VAV3: variants seen among roughly 807,000 people sequenced by gnomAD.
The protein encoded by VAV3 is vav guanine nucleotide exchange factor 3, also known as guanine nucleotide exchange factor VAV3.
VAV3 carries 94 observed loss-of-function variants against 131.2 expected under a neutral mutation model. The ratio of observed to expected loss-of-function variants is 0.72; its 90% CI spans 0.61 to 0.85. The LOEUF (loss-of-function observed/expected upper bound fraction) is 0.85. VAV3 is among the 40% of genes least tolerant of loss of function. VAV3 has a pLI of 0.00. For synonymous variants in VAV3, 349 were observed against 342.0 expected, an observed-to-expected ratio of 1.02 and a Z score of -0.22; for missense variants, 939 against 1,002.7, an observed-to-expected ratio of 0.94 and a Z score of 0.86.
chr1:107,874,773 A>C (rs1670411186), intron 2 of VAV3, 128 bp downstream of exon 2: 1 of 744,136 alleles, frequency 1.3e-6, no homozygotes, highest in East Asian at 2.7e-5. Context: ...AGCCATCTAC[A>C]TGTGAAATTT....
chr1:107,830,046 A>G (rs1337794960), intron 2 of VAV3, among the ~76,000 whole-genome samples: 2 of 152,182 alleles, frequency 1.3e-5, no homozygotes, highest in Non-Finnish European at 2.9e-5. Context: ...AAAGATTTAG[A>G]TTCCCCTTTG....
At chr1:107,623,032 T>C (rs1653724223) in intron 20 of VAV3, among the ~76,000 whole-genome samples, 1 of 152,184 alleles carries the variant, frequency 6.6e-6, no homozygotes, top group African/African-American at 2.4e-5. Flanking sequence ...AGTCAGAAAC[T>C]AGCCTTTGGT....
intron 1 of VAV3, among the ~76,000 whole-genome samples, chr1:107,883,648 A>G (rs1389135163): frequency 6.6e-6 from 1 of 152,174 alleles, no homozygotes; most frequent in Non-Finnish European, 1.5e-5. Flanking sequence ...AGGCAATTAC[A>G]TTCTTAAGCA....
intron 1 of VAV3, among the ~76,000 whole-genome samples, chr1:107,952,173 G>A (rs992125507): frequency 5.9e-5 from 9 of 151,976 alleles, no homozygotes; most frequent in East Asian, 1.9e-4. Flanking sequence ...CATGGATAGC[G>A]CTGGAGGCCA....
intron 2 of VAV3, among the ~76,000 whole-genome samples, chr1:107,854,663 T>C (rs1669385571): frequency 6.6e-6 from 1 of 152,178 alleles, no homozygotes; most frequent in South Asian, 2.1e-4. Flanking sequence ...CTCTGCAATT[T>C]TCCTGCTCGA....
chr1:107,679,584 G>T (rs1658458908), intron 19 of VAV3, among the ~76,000 whole-genome samples: 1 of 152,064 alleles, frequency 6.6e-6, no homozygotes, highest in Non-Finnish European at 1.5e-5. Context: ...CCAGTGAAAA[G>T]AATACATGCC....
chr1:107,754,063 T>C (rs866034472), intron 12 of VAV3, among the ~76,000 whole-genome samples: 10 of 152,188 alleles, frequency 6.6e-5, no homozygotes, highest in Non-Finnish European at 1.5e-4. Flanking sequence ...TAGAAACGTA[T>C]GTCAAATTGG....
At position 107,617,636 on chromosome 1, in the gene VAV3, A is replaced by AG; in HGVS notation, c.1915-5dup. The AG allele has an allele frequency of 1.9e-6, 3 of 1,589,178 alleles. No homozygotes were observed. Among genetic ancestry groups the AG allele is most frequent in the South Asian group, 2.2e-5 (2 of 90,024 alleles). ...CTCCAGATGCTAAATTTCTGCCCTA[A>AG]GGAAAAAAAAAAAATGCCAGTGTTG... On this transcript the variant is annotated splice_polypyrimidine_tract_variant and splice_region_variant and intron_variant, in intron 20 of 26. Coordinates refer to ENST00000370056, the MANE Select transcript of VAV3 (RefSeq NM_006113.5).
chr1:107,614,687 T>C (rs1191779035), intron 21 of VAV3, among the ~76,000 whole-genome samples: 2 of 152,174 alleles, frequency 1.3e-5, no homozygotes, highest in Non-Finnish European at 2.9e-5. Context: ...AATTAGTATC[T>C]ACCATTGCTA....
At chr1:107,961,813 A>G (rs905895996) in intron 1 of VAV3, among the ~76,000 whole-genome samples, 1 of 152,244 alleles carries the variant, frequency 6.6e-6, no homozygotes, top group African/African-American at 2.4e-5. Context: ...ATAATCAACT[A>G]ACTTATTAAG....
intron 2 of VAV3, among the ~76,000 whole-genome samples, chr1:107,797,106 A>G (rs1422507149): frequency 6.6e-6 from 1 of 152,142 alleles, no homozygotes; most frequent in East Asian, 1.9e-4. Context: ...TTCAGTGTTA[A>G]CTGTGTGTCA....
At chr1:107,588,697 C>T (rs1650697179) in intron 25 of VAV3, among the ~76,000 whole-genome samples, 1 of 152,184 alleles carries the variant, frequency 6.6e-6, no homozygotes, top group Non-Finnish European at 1.5e-5. Context: ...TCTTATATAT[C>T]TGTTTGACAA....
At chr1:107,826,085 C>T (rs545843371) in intron 2 of VAV3, among the ~76,000 whole-genome samples, 2 of 152,228 alleles carry the variant, frequency 1.3e-5, no homozygotes, top group Non-Finnish European at 2.9e-5. Flanking sequence ...TCCACTTGTA[C>T]AAGTTTATCT....
Position 107,760,779 on chromosome 1 carries a change from C to A in VAV3, c.1017+5G>T. The A allele has an allele frequency of 6.2e-7, 1 of 1,605,146 alleles. No individual in the cohort carries two copies. Among genetic ancestry groups the A allele is most frequent in the Non-Finnish European group, 8.5e-7 (1 of 1,172,650 alleles). On this transcript the variant is annotated splice_donor_5th_base_variant and intron_variant, in intron 10 of 26. Coordinates refer to ENST00000370056, the MANE Select transcript of VAV3 (RefSeq NM_006113.5). ...ACAATAAATAAACTGTTTTAAGTTA[C>A]ATACCTGGAGGAGAAGGTGGTACTT...
At chr1:107,810,497 A>C (rs1395934121) in intron 2 of VAV3, among the ~76,000 whole-genome samples, 3 of 152,330 alleles carry the variant, frequency 2.0e-5, no homozygotes, top group African/African-American at 7.2e-5. Flanking sequence ...ATAATTTTTA[A>C]AATTGCTATG....
At chr1:107,900,340 T>A (rs1484773253) in intron 1 of VAV3, among the ~76,000 whole-genome samples, 1 of 152,224 alleles carries the variant, frequency 6.6e-6, no homozygotes, top group Non-Finnish European at 1.5e-5. Flanking sequence ...TACCACTGCA[T>A]GCAAATTTGA....
intron 25 of VAV3, among the ~76,000 whole-genome samples, chr1:107,579,671 A>C (rs1649897825): frequency 6.6e-6 from 1 of 152,202 alleles, no homozygotes; most frequent in Admixed American, 6.5e-5. Context: ...TCTGTTCTAA[A>C]TACTGCCTCA....
At chr1:107,808,247 T>C (rs1667154247) in intron 2 of VAV3, among the ~76,000 whole-genome samples, 1 of 152,148 alleles carries the variant, frequency 6.6e-6, no homozygotes, top group Non-Finnish European at 1.5e-5. Flanking sequence ...CTCATGAACA[T>C]GGGCTATTAT....
chr1:107,790,206 G>A (rs889156517), intron 2 of VAV3, among the ~76,000 whole-genome samples: 1 of 152,218 alleles, frequency 6.6e-6, no homozygotes. Context: ...CTGGAGGGAA[G>A]AGGAAAATAT....
Sources: gnomAD v4.1 joint callset for allele counts (sites outside exome capture counted in the v4.1 genomes callset) on GRCh38, gnomAD v4.1.1 for gene constraint, MANE v1.5 for transcripts, NCBI Gene and HGNC (gene_info 2026-07-23, HGNC 2026-07-21) for gene names.